Variants in PITPNC1 observed in about 807,000 individuals in gnomAD.
PITPNC1 encodes phosphatidylinositol transfer protein cytoplasmic 1.
In PITPNC1, 18 loss-of-function variants were observed where a neutral mutation model predicts 44.7. The observed-to-expected ratio is 0.40, with a 90% CI of 0.28 to 0.60. The LOEUF (loss-of-function observed/expected upper bound fraction) is 0.60. Among genes scored for constraint, PITPNC1 ranks in the 20% least tolerant of loss-of-function variants. The pLI is 0.39. For synonymous variants in PITPNC1, 141 were observed against 149.6 expected, an observed-to-expected ratio of 0.94 and a Z score of 0.42; for missense variants, 290 against 418.4, an observed-to-expected ratio of 0.69 and a Z score of 2.68.
rs879768558 is a variant in PITPNC1 at position 67,583,905 on chromosome 17, GTGTGTGTT to G, written c.366+5654_366+5661del. On this transcript the variant is annotated intron_variant, in intron 5 of 8. Coordinates refer to ENST00000581322, the MANE Select transcript of PITPNC1 (RefSeq NM_012417.4). ...TGTGTGTGTGTGTGTGTTTGTGTGT[GTGTGTGTT>G]TGTGTTTAGTAGAGATGGAGTGTCA... Among the ~76,000 whole-genome samples the G allele has an allele frequency of 8.0e-3, 1,139 of 142,484 alleles. 13 individuals carry two copies. Among genetic ancestry groups the G allele is most frequent in the Middle Eastern group, 0.018 (5 of 272 alleles). 93.5% of individuals were successfully genotyped at this position (142,484 alleles called of 152,430 possible). A position where few individuals can be genotyped will look rare whatever the true frequency, so the allele number is the denominator to read the frequency against.
intron 4 of PITPNC1, among the ~76,000 whole-genome samples, chr17:67,570,417 C>G (rs1358856735): frequency 6.6e-6 from 1 of 152,180 alleles, no homozygotes; most frequent in Non-Finnish European, 1.5e-5. Context: ...TGGCTGCCTT[C>G]CTTGCCATGG....
chr17:67,587,266 C>T (rs868391825), intron 5 of PITPNC1, among the ~76,000 whole-genome samples: 2 of 151,694 alleles, frequency 1.3e-5, no homozygotes, highest in South Asian at 2.1e-4. Context: ...GCAGGAGGAT[C>T]GCTTGCACCC....
intron 1 of PITPNC1, among the ~76,000 whole-genome samples, chr17:67,464,128 G>A (rs1021284218): frequency 1.3e-5 from 2 of 151,782 alleles, no homozygotes; most frequent in Non-Finnish European, 1.5e-5. Context: ...GGGAGGCAGA[G>A]GTTGCAGTGA....
intron 4 of PITPNC1, among the ~76,000 whole-genome samples, chr17:67,566,988 G>T (rs1212024688): frequency 6.6e-6 from 1 of 152,184 alleles, no homozygotes; most frequent in Non-Finnish European, 1.5e-5. Flanking sequence ...TGTAAAATGG[G>T]GATGTATGAG....
rs535632685 is a variant in PITPNC1 at position 67,468,521 on chromosome 17, C to G, written c.49-64281C>G. Among the ~76,000 whole-genome samples, 3 of 149,732 alleles carry G rather than the reference C, an allele frequency of 2.0e-5. No individual in the cohort carries two copies. The East Asian group carries it at 5.9e-4, about 29-fold the overall frequency. ...GGTTCTGGCCATTCTCCTGCCTCAG[C>G]CTCCCGAGTAGCTGGGACTACTGGT... On this transcript the variant is annotated intron_variant, in intron 1 of 8. Coordinates refer to ENST00000581322, the MANE Select transcript of PITPNC1 (RefSeq NM_012417.4).
chr17:67,504,384 T>G (rs1279011905), intron 1 of PITPNC1, among the ~76,000 whole-genome samples: 1 of 152,188 alleles, frequency 6.6e-6, no homozygotes, highest in African/African-American at 2.4e-5. Context: ...GCAAAACAGG[T>G]CTTATCTAAA....
At chr17:67,572,551 G>A (rs1488621289) in intron 4 of PITPNC1, among the ~76,000 whole-genome samples, 1 of 150,348 alleles carries the variant, frequency 6.7e-6, no homozygotes, top group East Asian at 2.0e-4. Flanking sequence ...GCACCCTCCT[G>A]TTAGAGTGTG....
chr17:67,425,256 CACACACAGAG>C lies in PITPNC1; in HGVS notation c.48+47055_48+47064del, dbSNP rs1181909861. The stretch of plus-strand genomic sequence containing the variant: ...ACACACACACACACACACACACACA[CACACACAGAG>C]GGAGAGAGAGAGAGAAATGACCTCT... On this transcript the variant is annotated intron_variant, in intron 1 of 8. Coordinates refer to ENST00000581322, the MANE Select transcript of PITPNC1 (RefSeq NM_012417.4). Among the ~76,000 whole-genome samples the C allele has an allele frequency of 3.9e-3, 474 of 120,696 alleles. 8 individuals carry two copies. The highest frequency in any genetic ancestry group is 9.6e-3 in the Middle Eastern group (2 of 208). 79.2% of individuals were successfully genotyped at this position (120,696 alleles called of 152,430 possible). A position where few individuals can be genotyped will look rare whatever the true frequency, so the allele number is the denominator to read the frequency against.
intron 1 of PITPNC1, among the ~76,000 whole-genome samples, chr17:67,409,910 C>A (rs1221515411): frequency 6.6e-6 from 1 of 152,122 alleles, no homozygotes; most frequent in East Asian, 1.9e-4. Context: ...TTTATTTATT[C>A]TTTGTTCCAT....
chr17:67,436,535 C>T (rs2038938893), intron 1 of PITPNC1, among the ~76,000 whole-genome samples: 3 of 151,978 alleles, frequency 2.0e-5, no homozygotes, highest in Non-Finnish European at 4.4e-5. Flanking sequence ...GGTGATGGAA[C>T]GAACGTACCG....
chr17:67,458,868 T>A (rs1181658501), intron 1 of PITPNC1, among the ~76,000 whole-genome samples: 1 of 152,188 alleles, frequency 6.6e-6, no homozygotes, highest in Non-Finnish European at 1.5e-5. Context: ...GGAGTGTCAC[T>A]GCCTTGGGGC....
rs766639632 is a variant in PITPNC1 at position 67,675,394 on chromosome 17, G to GGGGA, written c.619-85_619-84insGGGA. 1.7e-4 allele frequency: 161 copies of GGGGA among 953,342 alleles called. No homozygotes were observed. The East Asian group carries it at 3.0e-3, about 18-fold the overall frequency. The allele number at this position is 953,342 out of a possible 1,614,324, so 59.1% of individuals were successfully genotyped here. The stretch of plus-strand genomic sequence containing the variant: ...GGATTAAGAACTCTGTAATCACCAA[G>GGGGA]ATCCCCAGAATTGTTAACAACTTGT... On this transcript the variant is annotated intron_variant, in intron 7 of 8. Transcript: ENST00000581322.
chr17:67,639,971 G>C (rs1045956989), intron 6 of PITPNC1, among the ~76,000 whole-genome samples: 3 of 152,084 alleles, frequency 2.0e-5, no homozygotes, highest in Non-Finnish European at 4.4e-5. Flanking sequence ...TCTACATCTT[G>C]GCCTTTGAGG....
chr17:67,549,988 G>C (rs918886159), intron 2 of PITPNC1, among the ~76,000 whole-genome samples: 3 of 152,070 alleles, frequency 2.0e-5, no homozygotes, highest in Non-Finnish European at 4.4e-5. Flanking sequence ...AGGAACCAGG[G>C]GAAGTTTTGC....
chr17:67,606,128 C>G (rs2041604706), intron 5 of PITPNC1, among the ~76,000 whole-genome samples: 1 of 152,080 alleles, frequency 6.6e-6, no homozygotes, highest in Admixed American at 6.6e-5. Context: ...AACTGGCTGA[C>G]TGAATTGATG....
chr17:67,595,878 AAT>A (rs1259594931), intron 5 of PITPNC1, among the ~76,000 whole-genome samples: 1 of 152,188 alleles, frequency 6.6e-6, no homozygotes, highest in Admixed American at 6.6e-5. Flanking sequence ...CATGGTCATA[AAT>A]ACCTTTGGAC....
chr17:67,672,601 AAATAATAAT>A (rs55925253), intron 7 of PITPNC1, among the ~76,000 whole-genome samples: 29 of 148,254 alleles, frequency 2.0e-4, no homozygotes, highest in Non-Finnish European at 2.8e-4. Flanking sequence ...TCTGTCTCCA[AAATAATAAT>A]AATAATAATA....
intron 6 of PITPNC1, among the ~76,000 whole-genome samples, chr17:67,654,458 G>T (rs1239788233): frequency 6.6e-6 from 1 of 152,132 alleles, no homozygotes; most frequent in Non-Finnish European, 1.5e-5. Context: ...CCTTTCTTTG[G>T]AGGAGCTTAA....
chr17:67,659,821 T>C (rs1404523702), intron 6 of PITPNC1, among the ~76,000 whole-genome samples: 2 of 152,222 alleles, frequency 1.3e-5, no homozygotes, highest in South Asian at 2.1e-4. Flanking sequence ...CTTGATGATT[T>C]TGGACATAAG....
Sources: gnomAD v4.1 joint callset for allele counts (sites outside exome capture counted in the v4.1 genomes callset) on GRCh38, gnomAD v4.1.1 for gene constraint, MANE v1.5 for transcripts, NCBI Gene and HGNC (gene_info 2026-07-23, HGNC 2026-07-21) for gene names.